The following PUS10 variants were observed in gnomAD, a reference collection of about 807,000 sequenced individuals.
The protein encoded by PUS10 is pseudouridine synthase 10.
Under a neutral mutation model 75.0 loss-of-function variants are expected in PUS10, and 59 were observed. The observed-to-expected ratio is 0.79, with a 90% confidence interval of 0.64 to 0.98. PUS10 has a LOEUF of 0.98. Among genes scored for constraint, PUS10 ranks in the 50% least tolerant of loss-of-function variants. The pLI is 0.00. For missense variants in PUS10, 650 were observed against 614.4 expected (o/e 1.06, Z -0.61); for synonymous variants, 219 against 211.6 (o/e 1.03, Z -0.30).
Position 60,985,259 on chromosome 2 carries a change from T to C in PUS10, c.469-13702A>G, listed in dbSNP as rs894415613. Among the ~76,000 whole-genome samples, 5 of 152,280 alleles carry C rather than the reference T, an allele frequency of 3.3e-5. No individual in the cohort carries two copies. In the South Asian group the frequency reaches 6.2e-4, roughly 19 times the overall value. On this transcript the variant is annotated intron_variant, in intron 4 of 17. Transcript: ENST00000316752. ...ACATAGTATATTTGCTTGGGTACTATTAGTTTGAGGAATCCTCATTTAAAT... is the reference window on the plus strand; with the variant it reads ...ACATAGTATATTTGCTTGGGTACTACTAGTTTGAGGAATCCTCATTTAAAT...
At chr2:61,002,524 C>G (rs990141843) in intron 4 of PUS10, among the ~76,000 whole-genome samples, 2 of 152,120 alleles carry the variant, frequency 1.3e-5, no homozygotes, top group African/African-American at 4.8e-5. Context: ...CTCAGCTCAC[C>G]GCAACCTCCG....
At chr2:60,994,419 C>A (rs188660896) in intron 4 of PUS10, among the ~76,000 whole-genome samples, 1,899 of 151,368 alleles carry the variant, frequency 0.013, 12 homozygotes, top group Non-Finnish European at 0.019. Context: ...TAGCTCCTCA[C>A]AAAAATGACT....
At chr2:60,962,293 C>T (rs772487252) in intron 9 of PUS10, among the ~76,000 whole-genome samples, 8 of 152,192 alleles carry the variant, frequency 5.3e-5, no homozygotes, top group African/African-American at 1.2e-4. Flanking sequence ...TTGATTCGGC[C>T]GGGCACGGTG....
At chr2:60,976,502 T>G (rs1032332813) in intron 4 of PUS10, among the ~76,000 whole-genome samples, 6 of 152,264 alleles carry the variant, frequency 3.9e-5, no homozygotes, top group Non-Finnish European at 8.8e-5. Flanking sequence ...AAGTCTGCAA[T>G]GTATCCCACC....
chr2:60,950,116 T>C (rs1573385260), intron 15 of PUS10, among the ~76,000 whole-genome samples: 2 of 152,358 alleles, frequency 1.3e-5, no homozygotes, highest in African/African-American at 4.8e-5. Context: ...TTACATAGTA[T>C]GGCCAAAAGC....
At chr2:60,966,872 A>C (rs1391506118) in intron 6 of PUS10, 1 of 152,342 alleles carries the variant, frequency 6.6e-6, no homozygotes, top group Admixed American at 6.5e-5. Flanking sequence ...ATGATGAAGC[A>C]ATGAGGCCAT....
At position 60,965,411 on chromosome 2, in the gene PUS10, A is replaced by G. The variant is rs1259754780; in HGVS notation, c.677+12T>C. On this transcript the variant is annotated intron_variant, in intron 7 of 17. Coordinates refer to ENST00000316752, the MANE Select transcript of PUS10 (RefSeq NM_144709.4). ...ATTTTACACCATTGACGTTGTTTAC[A>G]TGGCAACTTACAGGAAGTGGCAATC... 3.1e-6 allele frequency: 5 copies of G among 1,605,948 alleles called. No individual in the cohort carries two copies. Among genetic ancestry groups the G allele is most frequent in the Admixed American group, 1.7e-5 (1 of 58,976 alleles).
chr2:60,968,071 T>C (rs1224486815), intron 5 of PUS10, among the ~76,000 whole-genome samples: 1 of 152,210 alleles, frequency 6.6e-6, no homozygotes, highest in African/African-American at 2.4e-5. Context: ...ACAAAGAAGC[T>C]GTACTTTTTA....
At chr2:60,997,266 T>C (rs1347272016) in intron 4 of PUS10, among the ~76,000 whole-genome samples, 1 of 152,178 alleles carries the variant, frequency 6.6e-6, no homozygotes. Context: ...GAAAGATGCT[T>C]AAGGGGTAGT....
At chr2:60,954,824 G>T (rs1284940870) in intron 12 of PUS10, among the ~76,000 whole-genome samples, 194 bp downstream of exon 12, 2 of 152,200 alleles carry the variant, frequency 1.3e-5, no homozygotes, top group Non-Finnish European at 2.9e-5. Context: ...GGCCTCTGAA[G>T]AAATGATTCC....
At chr2:60,951,009 G>T (rs567927318) in intron 15 of PUS10, among the ~76,000 whole-genome samples, 2 of 152,270 alleles carry the variant, frequency 1.3e-5, no homozygotes, top group African/African-American at 4.8e-5. Context: ...TTAGTCTAAG[G>T]GGAATAAAGT....
chr2:60,982,526 G>A (rs911799591), intron 4 of PUS10, among the ~76,000 whole-genome samples: 2 of 152,132 alleles, frequency 1.3e-5, no homozygotes, highest in South Asian at 2.1e-4. Flanking sequence ...GCCTCCCAAA[G>A]TGCTGGGATT....
intron 5 of PUS10, 35 bp downstream of exon 5, chr2:60,971,488 A>T: frequency 6.3e-7 from 1 of 1,581,602 alleles, no homozygotes; most frequent in South Asian, 1.1e-5. Context: ...CTTGTATTTG[A>T]ATGGTAGTAA....
At chr2:60,955,379 G>A (rs1041234946) in intron 11 of PUS10, among the ~76,000 whole-genome samples, 1 of 151,814 alleles carries the variant, frequency 6.6e-6, no homozygotes, top group Admixed American at 6.6e-5. Flanking sequence ...ACCCAGGCTG[G>A]AGTGCAGCAG....
Position 60,945,114 on chromosome 2 carries a change from G to T in PUS10, c.1452-6C>A, listed in dbSNP as rs1029675448. 6.2e-7 allele frequency: 1 copy of T among 1,602,304 alleles called. No individual in the cohort carries two copies. Among genetic ancestry groups the T allele is most frequent in the South Asian group, 1.1e-5 (1 of 90,822 alleles). On this transcript the variant is annotated splice_region_variant and splice_polypyrimidine_tract_variant and intron_variant, in intron 16 of 17. Transcript: ENST00000316752. ...GTACAAACTCTTTAATGTAGCTGGG[G>T]TTTGTTTAAGGAAAAAATGAAGACA...
chr2:61,016,197 G>A (rs1039084658), intron 1 of PUS10, among the ~76,000 whole-genome samples: 2 of 152,186 alleles, frequency 1.3e-5, no homozygotes, highest in Non-Finnish European at 2.9e-5. Context: ...AAACCTGATT[G>A]ATGAGAATTA....
Position 60,965,090 on chromosome 2 carries a change from G to A in PUS10, c.691C>T (p.Pro231Ser). ...TTTTTGGCTGGCTTAAAACAATCTGGGCATATCGCAGCTCTAAAATAAAAT... is the reference window on the plus strand; with the variant it reads ...TTTTTGGCTGGCTTAAAACAATCTGAGCATATCGCAGCTCTAAAATAAAAT... The part of the protein sequence containing the change: ...EDCHFLAAIC[P>S]DCFKPAKNKQ... The change falls in exon 8 of 18, where the codon CCA (proline) becomes TCA (serine). Residue 231 changes from proline (P) to serine (S), a missense_variant. Transcript: ENST00000316752. 6.2e-7 allele frequency: 1 copy of A among 1,613,380 alleles called. No homozygotes were observed. The highest frequency in any genetic ancestry group is 8.5e-7 in the Non-Finnish European group (1 of 1,179,592).
intron 4 of PUS10, among the ~76,000 whole-genome samples, chr2:61,005,866 A>G (rs931232169): frequency 2.0e-5 from 3 of 152,228 alleles, no homozygotes; most frequent in Non-Finnish European, 2.9e-5. Flanking sequence ...TTATGATGTA[A>G]TGTTCTGGTG....
chr2:60,972,175 T>A (rs1676722942), intron 4 of PUS10, among the ~76,000 whole-genome samples: 3 of 136,908 alleles, frequency 2.2e-5, no homozygotes, highest in African/African-American at 7.8e-5. Context: ...AGCCCGCATT[T>A]AATCTGGGCC....
Sources: gnomAD v4.1 joint callset for allele counts (sites outside exome capture counted in the v4.1 genomes callset) on GRCh38, gnomAD v4.1.1 for gene constraint, MANE v1.5 for transcripts, NCBI Gene and HGNC (gene_info 2026-07-23, HGNC 2026-07-21) for gene names.